TBCD: variants seen among roughly 807,000 people sequenced by gnomAD.
TBCD encodes the protein tubulin-specific chaperone D.
TBCD carries 105 observed loss-of-function variants against 169.3 expected under a neutral mutation model. That is an observed-to-expected ratio of 0.62 (90% CI 0.53 to 0.73). The LOEUF (loss-of-function observed/expected upper bound fraction) is 0.73, where lower values mean the gene tolerates loss of function less well. Among genes scored for constraint, TBCD ranks in the 30% least tolerant of loss-of-function variants. The probability of loss-of-function intolerance (pLI) is 0.00; values close to 1 mark genes in which losing one functional copy is unlikely to be tolerated. For missense variants in TBCD, 1,444 were observed against 1,600.1 expected, an observed-to-expected ratio of 0.90 and a Z score of 1.66; for synonymous variants, 700 against 643.9, an observed-to-expected ratio of 1.09 and a Z score of -1.32.
intron 13 of TBCD, among the ~76,000 whole-genome samples, chr17:82,843,845 G>A (rs76416946): frequency 0.027 from 4,129 of 152,210 alleles, 209 homozygotes; most frequent in African/African-American, 0.093. Flanking sequence ...CGTCACAGCA[G>A]TGCCACCCTT....
rs1467255631 is a variant in TBCD at position 82,807,766 on chromosome 17, G to GCGGCCCCCTCCT, written c.1148+110_1148+121dup. The GCGGCCCCCTCCT allele has an allele frequency of 9.3e-6, 9 of 968,172 alleles. No individual in the cohort carries two copies. In the African/African-American group the frequency reaches 1.4e-4, roughly 15 times the overall value. 60.0% of individuals were successfully genotyped at this position (968,172 alleles called of 1,614,324 possible). A position where few individuals can be genotyped will look rare whatever the true frequency, so the allele number is the denominator to read the frequency against. On this transcript the variant is annotated intron_variant, in intron 11 of 38. Transcript: ENST00000355528. ...TACCCAACAGCTTTGGAGTGGCAGC[G>GCGGCCCCCTCCT]CGGCCCCCTCCTCGGCCCCCTCCAA...
At chr17:82,912,695 C>T (rs893935524) in intron 23 of TBCD, among the ~76,000 whole-genome samples, 1 of 152,202 alleles carries the variant, frequency 6.6e-6, no homozygotes, top group Non-Finnish European at 1.5e-5. Context: ...TCGGGGAACC[C>T]ACGGCCGGAT....
At chr17:82,918,592 A>G (rs1234313166) in intron 23 of TBCD, 1 of 152,130 alleles carries the variant, frequency 6.6e-6, no homozygotes, top group Non-Finnish European at 1.5e-5. Flanking sequence ...TGCCAGGAAT[A>G]TTCCTGTGCG....
chr17:82,906,478 G>T (rs768386988), intron 20 of TBCD, among the ~76,000 whole-genome samples: 19 of 152,180 alleles, frequency 1.2e-4, no homozygotes, highest in Non-Finnish European at 2.5e-4. Context: ...GAATATACAC[G>T]TTTCTTTTGA....
rs372580838 is a variant in TBCD, at chr17:82,831,594, G to C, written c.1318+16660G>C. 2 of 1,614,108 alleles carry C rather than the reference G, an allele frequency of 1.2e-6. No individual in the cohort carries two copies. Among genetic ancestry groups the C allele is most frequent in the Non-Finnish European group, 1.7e-6 (2 of 1,180,040 alleles). On this transcript the variant is annotated intron_variant, in intron 13 of 38. Transcript: ENST00000355528. The surrounding 1 kb of genome is among the most constrained non-coding windows in gnomAD (Gnocchi z 4.6). ...CCAGGTGCTTAGGGATCGGCCCCGG[G>C]TGAGGCAGGAAGTGTCTCGGGTCTT...
intron 1 of TBCD, among the ~76,000 whole-genome samples, chr17:82,754,978 T>G (rs1300314849): frequency 6.6e-6 from 1 of 152,182 alleles, no homozygotes; most frequent in Non-Finnish European, 1.5e-5. Flanking sequence ...TGAGGCAGCC[T>G]CAGGAGGTCA....
intron 14 of TBCD, among the ~76,000 whole-genome samples, chr17:82,878,846 G>C (rs55810435): frequency 0.29 from 43,418 of 152,036 alleles, 6,579 homozygotes; most frequent in Admixed American, 0.35. Flanking sequence ...CTTAAGGAAG[G>C]CTCGTTCCTC....
rs2063616788 is a variant in TBCD, at chr17:82,945,324, G to C, written c.*2861G>C. The C allele has an allele frequency of 6.6e-6, 1 of 152,232 alleles. No individual in the cohort carries two copies. The highest frequency in any genetic ancestry group is 1.5e-5 in the Non-Finnish European group (1 of 68,050). 9.4% of individuals were successfully genotyped at this position (152,232 alleles called of 1,614,324 possible). A position where few individuals can be genotyped will look rare whatever the true frequency, so the allele number is the denominator to read the frequency against. On this transcript the variant is annotated 3_prime_UTR_variant, in exon 39 of 39. Transcript: ENST00000355528. ...CTTTGGGTAATTGGGGTCTCAGAAT[G>C]AAATGAAATGATGCAGATATTCCAT...
chr17:82,875,246 C>G (rs901947678), intron 14 of TBCD, among the ~76,000 whole-genome samples: 1 of 152,158 alleles, frequency 6.6e-6, no homozygotes, highest in Non-Finnish European at 1.5e-5. Flanking sequence ...CAGTGTCGCA[C>G]ACGGGTAGCT....
chr17:82,917,061 C>G (rs1454256426), intron 23 of TBCD, among the ~76,000 whole-genome samples: 1 of 128,614 alleles, frequency 7.8e-6, no homozygotes, highest in African/African-American at 2.9e-5. Context: ...TGCTCTGTCA[C>G]CAGGCTGGAG....
At chr17:82,897,668 G>C (rs760539728) in intron 17 of TBCD, among the ~76,000 whole-genome samples, 2 of 152,234 alleles carry the variant, frequency 1.3e-5, no homozygotes, top group Non-Finnish European at 2.9e-5. Context: ...ACTGTGGTCA[G>C]TGTGGTGCAC....
At chr17:82,848,542 G>A (rs1304732433) in intron 13 of TBCD, among the ~76,000 whole-genome samples, 1 of 152,174 alleles carries the variant, frequency 6.6e-6, no homozygotes, top group Non-Finnish European at 1.5e-5. Flanking sequence ...GTTTTCCAGA[G>A]CAACTCATGT....
At chr17:82,825,306 G>C (rs985523216) in intron 13 of TBCD, among the ~76,000 whole-genome samples, 4 of 152,144 alleles carry the variant, frequency 2.6e-5, no homozygotes, top group African/African-American at 9.7e-5. Context: ...TGATGTGAGA[G>C]CTCCTTGTCT....
Position 82,945,460 on chromosome 17 carries a change from A to G in TBCD, c.*2997A>G, listed in dbSNP as rs181519767. ...GACAGAGTGATATAAACGACTACCA[A>G]TTTCCCAGCAGCAGCACTGGAGTTG... On this transcript the variant is annotated 3_prime_UTR_variant, in exon 39 of 39. Transcript: ENST00000355528. 4.6e-5 allele frequency: 7 copies of G among 152,334 alleles called. No homozygotes were observed. The highest frequency in any genetic ancestry group is 1.0e-4 in the Non-Finnish European group (7 of 68,034). The allele number at this position is 152,334 out of a possible 1,614,324, so 9.4% of individuals were successfully genotyped here. A position where few individuals can be genotyped will look rare whatever the true frequency, so the allele number is the denominator to read the frequency against.
chr17:82,881,235 C>T (rs1047971956), intron 14 of TBCD, among the ~76,000 whole-genome samples: 2 of 152,198 alleles, frequency 1.3e-5, no homozygotes, highest in African/African-American at 4.8e-5. Context: ...GAGGGCCTTT[C>T]CACGCTGAGA....
chr17:82,830,364 C>T, intron 13 of TBCD: 2 of 1,613,300 alleles, frequency 1.2e-6, no homozygotes, highest in East Asian at 2.2e-5. Context: ...CATCGCCCAC[C>T]CGGATGTTCC....
chr17:82,791,091 C>CTT (rs35648641), intron 7 of TBCD, among the ~76,000 whole-genome samples: 43,249 of 124,576 alleles, frequency 0.35, 8,538 homozygotes, highest in Non-Finnish European at 0.4. Flanking sequence ...TCTCTTGCAT[C>CTT]TTTTTTTTTT....
rs751510227 is a variant in TBCD, at chr17:82,772,517, C to T, written c.638+10C>T. ...CTGTCCTTGTGTCCAGGTAAGTTTC[C>T]ATGGCACATTTCTTGGTGTGTGGCT... On this transcript the variant is annotated intron_variant, in intron 6 of 38. Coordinates refer to ENST00000355528, the MANE Select transcript of TBCD (RefSeq NM_005993.5). 5.0e-6 allele frequency: 8 copies of T among 1,613,866 alleles called. No homozygotes were observed. The East Asian group carries it at 8.9e-5, about 18-fold the overall frequency.
intron 14 of TBCD, among the ~76,000 whole-genome samples, chr17:82,881,120 G>A (rs576121080): frequency 1.8e-4 from 27 of 152,220 alleles, no homozygotes; most frequent in Admixed American, 1.4e-3. Context: ...GCGTCTGTTT[G>A]CAAGGCTGGC....
Sources: allele counts gnomAD v4.1 joint callset (sites outside exome capture counted in the v4.1 genomes callset), GRCh38; gene constraint gnomAD v4.1.1; non-coding constraint Gnocchi (gnomAD v3.1); transcripts MANE v1.5; gene names NCBI Gene and HGNC (gene_info 2026-07-23, HGNC 2026-07-21).